NRXN3: variants seen among roughly 807,000 people sequenced by gnomAD.
NRXN3 encodes neurexin III.
Under a neutral mutation model 137.6 loss-of-function variants are expected in NRXN3, and 32 were observed. The ratio of observed to expected loss-of-function variants is 0.23; its 90% CI spans 0.18 to 0.31. The LOEUF (loss-of-function observed/expected upper bound fraction) is 0.31. Among genes scored for constraint, NRXN3 ranks in the 10% least tolerant of loss-of-function variants. NRXN3 has a pLI of 1.00. For synonymous variants in NRXN3, 798 were observed against 784.5 expected (o/e 1.02, Z -0.29); for missense variants, 1,574 against 2,062.5 (o/e 0.76, Z 4.59).
intron 15 of NRXN3, among the ~76,000 whole-genome samples, chr14:79,323,857 CA>C (rs923204064): frequency 1.0e-3 from 150 of 143,052 alleles, no homozygotes; most frequent in African/African-American, 2.2e-3. Context: ...GACTTCATCT[CA>C]AAAAAAAAAA....
chr14:78,467,012 G>T (rs1382253118), intron 4 of NRXN3, among the ~76,000 whole-genome samples: 1 of 152,046 alleles, frequency 6.6e-6, no homozygotes, highest in Admixed American at 6.6e-5. Context: ...GAAAATATTT[G>T]GATCCACCTA....
intron 4 of NRXN3, among the ~76,000 whole-genome samples, chr14:78,583,957 C>T (rs1399723995): frequency 6.6e-6 from 1 of 152,162 alleles, no homozygotes; most frequent in African/African-American, 2.4e-5. Flanking sequence ...AGCCACCGTT[C>T]TAAGAACTTT....
At chr14:78,925,039 A>G (rs1044052550) in intron 10 of NRXN3, among the ~76,000 whole-genome samples, 4 of 152,222 alleles carry the variant, frequency 2.6e-5, no homozygotes, top group African/African-American at 9.6e-5. Context: ...AGAAGACTCA[A>G]TGTTTAACTT....
chr14:78,191,842 G>A (rs546268634), intron 1 of NRXN3, among the ~76,000 whole-genome samples: 38 of 152,272 alleles, frequency 2.5e-4, no homozygotes, highest in Non-Finnish European at 5.0e-4. Flanking sequence ...AAACTGGGAT[G>A]AGCAGGGGAT....
chr14:78,679,927 T>C lies in NRXN3; in HGVS notation c.1221+28601T>C, dbSNP rs137892479. ...CAATATAATGTTTAAGGACATGAGA[T>C]TCTACAGCCAAATAGAAGGATTTCT... On this transcript the variant is annotated intron_variant, in intron 6 of 20. Transcript: ENST00000335750. Among the ~76,000 whole-genome samples, 672 of 152,272 alleles carry C rather than the reference T, an allele frequency of 4.4e-3. 6 individuals carry two copies. Among genetic ancestry groups the C allele is most frequent in the African/African-American group, 0.015 (643 of 41,566 alleles).
chr14:78,992,139 T>C (rs1451055834), intron 15 of NRXN3, among the ~76,000 whole-genome samples: 1 of 152,218 alleles, frequency 6.6e-6, no homozygotes, highest in Non-Finnish European at 1.5e-5. Flanking sequence ...TTCCACAATG[T>C]TATGTAATGG....
At chr14:78,976,681 G>A (rs1008870749) in intron 14 of NRXN3, among the ~76,000 whole-genome samples, 5 of 152,082 alleles carry the variant, frequency 3.3e-5, no homozygotes, top group Non-Finnish European at 7.4e-5. Context: ...AAAATAATAA[G>A]AGAGACATAA....
intron 19 of NRXN3, among the ~76,000 whole-genome samples, chr14:79,737,722 C>CT (rs11393741): frequency 0.33 from 49,712 of 150,862 alleles, 8,761 homozygotes; most frequent in Middle Eastern, 0.43. Context: ...GCATTCTTTT[C>CT]TTTCTTTCTT....
At chr14:78,469,058 C>G (rs1438551759) in intron 4 of NRXN3, among the ~76,000 whole-genome samples, 1 of 152,036 alleles carries the variant, frequency 6.6e-6, no homozygotes, top group Admixed American at 6.6e-5. Context: ...GGGACTCTTC[C>G]CACAAGGAGA....
chr14:78,173,622 C>T (rs2058962463), intron 1 of NRXN3, among the ~76,000 whole-genome samples: 1 of 140,764 alleles, frequency 7.1e-6, no homozygotes, highest in South Asian at 2.6e-4. Context: ...ACCCTAGGCG[C>T]ACCCCCCCTT....
chr14:79,231,141 G>C (rs1328762157), intron 15 of NRXN3, among the ~76,000 whole-genome samples: 1 of 152,042 alleles, frequency 6.6e-6, no homozygotes, highest in Admixed American at 6.6e-5. Context: ...TTGATTCCTG[G>C]GATCATGCCA....
At chr14:78,674,321 T>C (rs1476430845) in intron 6 of NRXN3, among the ~76,000 whole-genome samples, 1 of 152,226 alleles carries the variant, frequency 6.6e-6, no homozygotes. Flanking sequence ...TTGTAGGCAC[T>C]GATTATTCTG....
intron 4 of NRXN3, among the ~76,000 whole-genome samples, chr14:78,390,251 A>T (rs1598135866): frequency 6.6e-6 from 1 of 152,284 alleles, no homozygotes; most frequent in East Asian, 1.9e-4. Context: ...TTGGCCCACT[A>T]CCTATTTTTG....
At chr14:79,527,481 A>G (rs137965215) in intron 16 of NRXN3, among the ~76,000 whole-genome samples, 30 of 152,186 alleles carry the variant, frequency 2.0e-4, no homozygotes, top group African/African-American at 6.7e-4. Flanking sequence ...AAGATAAAAA[A>G]TATTACGCTG....
Position 79,318,883 on chromosome 14 carries a change from G to T in NRXN3, c.3263-148338G>T, listed in dbSNP as rs531178554. On this transcript the variant is annotated intron_variant, in intron 15 of 20. Transcript: ENST00000335750. The stretch of plus-strand genomic sequence containing the variant: ...ATTACTCCCATTTGCATTGGCTGCA[G>T]ACTCTCTAAGTATTACTTTCCCTTC... Among the ~76,000 whole-genome samples the T allele has an allele frequency of 1.4e-3, 209 of 152,206 alleles. 1 individual carries two copies. The highest frequency in any genetic ancestry group is 4.7e-3 in the African/African-American group (196 of 41,548).
At chr14:78,634,080 C>A (rs2097546400) in intron 4 of NRXN3, among the ~76,000 whole-genome samples, 2 of 152,206 alleles carry the variant, frequency 1.3e-5, no homozygotes, top group African/African-American at 4.8e-5. Flanking sequence ...AGACTTGTGG[C>A]AGATGTACCT....
intron 15 of NRXN3, among the ~76,000 whole-genome samples, chr14:79,252,145 T>TGTTTAA (rs2076017190): frequency 1.3e-5 from 2 of 152,220 alleles, no homozygotes; most frequent in Non-Finnish European, 2.9e-5. Flanking sequence ...TTAAAGTTCT[T>TGTTTAA]GTACATTCCG....
intron 4 of NRXN3, among the ~76,000 whole-genome samples, chr14:78,577,019 T>A (rs2096942833): frequency 6.6e-6 from 1 of 152,170 alleles, no homozygotes; most frequent in Non-Finnish European, 1.5e-5. Flanking sequence ...GGCTGCACAG[T>A]TTTTCTTTGT....
chr14:79,752,175 G>C (rs1401966099), intron 19 of NRXN3, among the ~76,000 whole-genome samples: 2 of 152,112 alleles, frequency 1.3e-5, no homozygotes, highest in Non-Finnish European at 2.9e-5. Context: ...ACCTCTGGTA[G>C]AATTCGGCTG....
Sources: gnomAD v4.1 joint callset for allele counts (sites outside exome capture counted in the v4.1 genomes callset) on GRCh38, gnomAD v4.1.1 for gene constraint, MANE v1.5 for transcripts, NCBI Gene and HGNC (gene_info 2026-07-23, HGNC 2026-07-21) for gene names.